HECW1: variants seen among roughly 807,000 people sequenced by gnomAD.
The protein encoded by HECW1 is E3 ubiquitin-protein ligase HECW1.
HECW1 carries 61 observed loss-of-function variants against 182.3 expected under a neutral mutation model. That is an observed-to-expected ratio of 0.33 (90% CI 0.27 to 0.41). The LOEUF is 0.41. Among genes scored for constraint, HECW1 ranks in the 10% least tolerant of loss-of-function variants. The pLI is 1.00. For synonymous variants in HECW1, 859 were observed against 832.6 expected, an observed-to-expected ratio of 1.03 and a Z score of -0.55; for missense variants, 1,739 against 2,108.9, an observed-to-expected ratio of 0.82 and a Z score of 3.44.
At chr7:43,315,614 C>A (rs746613175) in intron 4 of HECW1, among the ~76,000 whole-genome samples, 2 of 152,074 alleles carry the variant, frequency 1.3e-5, no homozygotes, top group Non-Finnish European at 2.9e-5. Context: ...CTGATTCAGC[C>A]TCTCAAGTAG....
intron 3 of HECW1, among the ~76,000 whole-genome samples, chr7:43,288,553 G>A (rs564174180): frequency 3.9e-5 from 6 of 152,240 alleles, no homozygotes; most frequent in Non-Finnish European, 5.9e-5. Context: ...TTGAGGCCCC[G>A]CTCTCCACTC....
intron 2 of HECW1, among the ~76,000 whole-genome samples, chr7:43,208,450 G>T (rs1416459419): frequency 6.6e-6 from 1 of 152,132 alleles, no homozygotes. Context: ...GAGTTATTGG[G>T]GTTAAAGTCT....
intron 4 of HECW1, among the ~76,000 whole-genome samples, chr7:43,315,488 T>C (rs868093588): frequency 7.0e-6 from 1 of 141,900 alleles, no homozygotes; most frequent in Non-Finnish European, 1.5e-5. Flanking sequence ...TTATTATTAT[T>C]ATTATCATTA....
chr7:43,388,661 A>G (rs1411822050), intron 6 of HECW1, among the ~76,000 whole-genome samples: 1 of 152,136 alleles, frequency 6.6e-6, no homozygotes, highest in African/African-American at 2.4e-5. Flanking sequence ...TTTTGAGACT[A>G]GCCCAGGCTG....
At chr7:43,143,667 T>C (rs1788403792) in intron 2 of HECW1, among the ~76,000 whole-genome samples, 1 of 152,150 alleles carries the variant, frequency 6.6e-6, no homozygotes, top group Non-Finnish European at 1.5e-5. Flanking sequence ...CTGGAACCCT[T>C]ATGCAGCTGC....
chr7:43,123,319 C>T (rs910593291), intron 2 of HECW1, among the ~76,000 whole-genome samples: 14 of 152,162 alleles, frequency 9.2e-5, no homozygotes, highest in Admixed American at 2.6e-4. Context: ...TAGAAATCAT[C>T]GTGACATTCT....
chr7:43,123,315 T>C (rs1462091381), intron 2 of HECW1, among the ~76,000 whole-genome samples: 2 of 152,162 alleles, frequency 1.3e-5, no homozygotes, highest in Non-Finnish European at 2.9e-5. Context: ...AGCTTAGAAA[T>C]CATCGTGACA....
At chr7:43,456,981 T>A (rs1338205541) in intron 13 of HECW1, among the ~76,000 whole-genome samples, 1 of 152,218 alleles carries the variant, frequency 6.6e-6, no homozygotes, top group East Asian at 1.9e-4. Flanking sequence ...ATAATTGATA[T>A]ATGCCCATCA....
chr7:43,399,874 T>G (rs552215488), intron 7 of HECW1, among the ~76,000 whole-genome samples: 28 of 152,220 alleles, frequency 1.8e-4, no homozygotes, highest in Non-Finnish European at 3.5e-4. Flanking sequence ...TAGTTGGCTA[T>G]GTATATGTAT....
intron 3 of HECW1, chr7:43,258,572 A>G (rs1468409300): frequency 1.3e-5 from 2 of 152,196 alleles, no homozygotes; most frequent in Admixed American, 1.3e-4. Context: ...AACTGGATTA[A>G]GCCAGTGTAC....
intron 3 of HECW1, among the ~76,000 whole-genome samples, chr7:43,265,117 A>C (rs1039403814): frequency 1.3e-5 from 2 of 152,210 alleles, no homozygotes; most frequent in African/African-American, 4.8e-5. Context: ...TTAGTGGCTT[A>C]AACAGGTGAC....
At chr7:43,312,160 C>A in intron 4 of HECW1, 73 bp downstream of exon 4, 2 of 1,290,252 alleles carry the variant, frequency 1.6e-6, no homozygotes, top group Non-Finnish European at 2.2e-6. Flanking sequence ...ATAAACTCTA[C>A]AATATAATTA....
chr7:43,339,640 A>G (rs1812717979), intron 5 of HECW1, among the ~76,000 whole-genome samples: 1 of 152,188 alleles, frequency 6.6e-6, no homozygotes, highest in South Asian at 2.1e-4. Flanking sequence ...GGTATGAAAT[A>G]TTATACACTT....
intron 19 of HECW1, among the ~76,000 whole-genome samples, chr7:43,499,145 G>A (rs140297442): frequency 1.0e-3 from 154 of 152,074 alleles, no homozygotes; most frequent in African/African-American, 3.6e-3. Flanking sequence ...GCCAAGCCTG[G>A]TGGTGTGCGT....
chr7:43,268,272 T>G (rs1487035445), intron 3 of HECW1, among the ~76,000 whole-genome samples: 1 of 152,216 alleles, frequency 6.6e-6, no homozygotes, highest in Non-Finnish European at 1.5e-5. Context: ...AGAAGGAGAC[T>G]CGCAGTGTTC....
At chr7:43,214,694 A>G (rs886481470) in intron 2 of HECW1, among the ~76,000 whole-genome samples, 4 of 152,240 alleles carry the variant, frequency 2.6e-5, no homozygotes, top group African/African-American at 4.8e-5. Context: ...TGACCAAGGC[A>G]TGGGCAGAGC....
At chr7:43,322,403 C>T (rs1810243661) in intron 5 of HECW1, among the ~76,000 whole-genome samples, 1 of 152,158 alleles carries the variant, frequency 6.6e-6, no homozygotes, top group African/African-American at 2.4e-5. Context: ...TGGCTTTTCT[C>T]CTCTCTAATC....
Position 43,417,760 on chromosome 7 carries a change from A to G in HECW1, c.801+10029A>G, listed in dbSNP as rs150036971. Among the ~76,000 whole-genome samples the G allele has an allele frequency of 9.2e-4, 140 of 152,318 alleles. 1 individual carries two copies. The highest frequency in any genetic ancestry group is 3.2e-3 in the African/African-American group (134 of 41,562). ...CTCCATAGTTTCCAATAATAAATCT[A>G]TAATGATTTAAATCATTGTTGCTTT... is the stretch of plus-strand genomic sequence containing the variant. On this transcript the variant is annotated intron_variant, in intron 8 of 29. Transcript: ENST00000395891.
intron 21 of HECW1, among the ~76,000 whole-genome samples, chr7:43,505,891 C>T (rs2079558906): frequency 6.6e-6 from 1 of 152,168 alleles, no homozygotes; most frequent in African/African-American, 2.4e-5. Context: ...AGTTTACCAG[C>T]ATCAGTCTTC....
Sources: allele counts gnomAD v4.1 joint callset (sites outside exome capture counted in the v4.1 genomes callset), GRCh38; gene constraint gnomAD v4.1.1; transcripts MANE v1.5; gene names NCBI Gene and HGNC (gene_info 2026-07-23, HGNC 2026-07-21).